SPTBN2: variants seen among roughly 807,000 people sequenced by gnomAD.
SPTBN2 encodes the protein spectrin beta, non-erythrocytic 2, also known as spectrin beta chain, non-erythrocytic 2.
A neutral mutation model predicts 284.2 loss-of-function variants in SPTBN2; 107 were observed. The ratio of observed to expected loss-of-function variants is 0.38; its 90% confidence interval spans 0.32 to 0.44. The LOEUF (loss-of-function observed/expected upper bound fraction) is 0.44, where lower values mean the gene tolerates loss of function less well. Among genes scored for constraint, SPTBN2 ranks in the 20% least tolerant of loss-of-function variants. The pLI is 1.00. For missense variants in SPTBN2, 2,569 were observed against 3,287.1 expected (o/e 0.78, Z 5.34); for synonymous variants, 1,289 against 1,354.8 (o/e 0.95, Z 1.07).
At chr11:66,706,216 G>A (rs1941549797) in intron 13 of SPTBN2, among the ~76,000 whole-genome samples, 1 of 152,118 alleles carries the variant, frequency 6.6e-6, no homozygotes, top group African/African-American at 2.4e-5. Context: ...ACCTCTAACG[G>A]TCTCGCTGTC....
chr11:66,717,419 C>T (rs1053480101), intron 3 of SPTBN2, among the ~76,000 whole-genome samples: 6 of 152,048 alleles, frequency 3.9e-5, no homozygotes, highest in African/African-American at 1.2e-4. Context: ...TCTCAGAAAC[C>T]GGAAAGACTC....
In SPTBN2 at chr11:66,721,381, G is replaced by T. The variant is rs1247236571; in HGVS notation, c.-54C>A. ...TCCGCTCTCCTTGTGGCCAGAGGCT[G>T]CGGTTGGCTGCTCAGTGGAAATCAG... On this transcript the variant is annotated 5_prime_UTR_variant, in exon 2 of 38. Transcript: ENST00000533211. 8 of 1,184,592 alleles carry T rather than the reference G, an allele frequency of 6.8e-6. No individual in the cohort carries two copies. The highest frequency in any genetic ancestry group is 9.9e-6 in the Non-Finnish European group (8 of 809,120). The allele number at this position is 1,184,592 out of a possible 1,614,324, so 73.4% of individuals were successfully genotyped here.
rs1163655295 is a variant in SPTBN2 at position 66,684,158 on chromosome 11, G to A, written c.*1713C>T. On this transcript the variant is annotated 3_prime_UTR_variant, in exon 38 of 38. Coordinates refer to ENST00000533211, the MANE Select transcript of SPTBN2 (RefSeq NM_006946.4). ...TGACTAAAGATGGGGCTGCCTTCCT[G>A]GAAAAACGGTTGTCTGTGTGTATAG... 1.3e-5 allele frequency among the ~76,000 whole-genome samples: 2 copies of A among 152,156 alleles called. No homozygotes were observed. The highest frequency in any genetic ancestry group is 2.4e-5 in the African/African-American group (1 of 41,426).
Position 66,707,810 on chromosome 11 carries a change from A to T in SPTBN2, c.1359T>A (p.Phe453Leu). Residue 453 changes from phenylalanine (F) to leucine (L), a missense_variant, in exon 13 of 38, where the codon TTT (phenylalanine) becomes TTA (leucine). Transcript: ENST00000533211. The surrounding 1 kb of genome is among the most constrained non-coding windows in gnomAD (Gnocchi z 4.9). ...CCTCGACAGCTGCCAGCTCCAGCCC[A>T]AAGTTGTCCTGTGTCGGGGGCAGGG... is the stretch of plus-strand genomic sequence containing the variant. ...ENQRLVSQDN[F>L]GLELAAVEAA... 1.2e-6 allele frequency: 2 copies of T among 1,609,134 alleles called. No individual in the cohort carries two copies. Among genetic ancestry groups the T allele is most frequent in the Non-Finnish European group, 1.7e-6 (2 of 1,179,932 alleles).
chr11:66,699,037 A>C lies in SPTBN2; in HGVS notation c.3822T>G (p.Leu1274=). 1 of 1,614,170 alleles carries C rather than the reference A, an allele frequency of 6.2e-7. No homozygotes were observed. Among genetic ancestry groups the C allele is most frequent in the Non-Finnish European group, 8.5e-7 (1 of 1,180,034 alleles). The change falls in exon 19 of 38, where the codon CTT becomes CTG. Residue 1274 remains leucine (L), a synonymous_variant. Coordinates refer to ENST00000533211, the MANE Select transcript of SPTBN2 (RefSeq NM_006946.4). ...QDAAQQFLGR[L]RDNREQQHFL... ...AATGCTGCTGCTCCCGGTTGTCCCG[A>C]AGACGGCCCAGAAATTGCTGCGCTG...
Position 66,688,026 on chromosome 11 carries a change from C to T in SPTBN2, c.6428G>A (p.Cys2143Tyr). ...STQAPSVNGV[C>Y]TDGEPSQPLL... ...CACCTGTGAGGGCTCTCCATCTGTG[C>T]AGACTCCATTAACACTGGGTGCTTG... The change falls in exon 33 of 38, where the codon TGC becomes TAC. Residue 2143 changes from cysteine to tyrosine, a missense_variant. By Grantham distance (194) the Cys-to-Tyr change is radical (BLOSUM62 -2). Transcript: ENST00000533211. 1.2e-6 allele frequency: 2 copies of T among 1,614,200 alleles called. No individual in the cohort carries two copies. The highest frequency in any genetic ancestry group is 1.7e-6 in the Non-Finnish European group (2 of 1,180,040).
Position 66,685,542 on chromosome 11 carries a change from C to G in SPTBN2, c.*329G>C, listed in dbSNP as rs980802591. On this transcript the variant is annotated 3_prime_UTR_variant, in exon 38 of 38. Coordinates refer to ENST00000533211, the MANE Select transcript of SPTBN2 (RefSeq NM_006946.4). The surrounding 1 kb of genome is among the most constrained non-coding windows in gnomAD (Gnocchi z 4.4). Reference sequence around the variant, plus strand: ...AGAATGACCCTGAGGCAGGGGCAGCCACTCCCCACATGGCCTATGTTGAGG... The same window carrying G: ...AGAATGACCCTGAGGCAGGGGCAGCGACTCCCCACATGGCCTATGTTGAGG... 2.2e-5 allele frequency: 8 copies of G among 359,228 alleles called. No individual in the cohort carries two copies. The highest frequency in any genetic ancestry group is 1.7e-4 in the African/African-American group (8 of 47,604). 22.3% of individuals were successfully genotyped at this position (359,228 alleles called of 1,614,324 possible).
intron 8 of SPTBN2, chr11:66,712,749 G>C (rs973952906): frequency 4.6e-5 from 7 of 152,158 alleles, no homozygotes; most frequent in Admixed American, 4.6e-4. Context: ...GCCCAAGCTG[G>C]AGTACTGTGG....
In SPTBN2 at chr11:66,687,039, C is replaced by A; in HGVS notation, c.6851G>T (p.Ser2284Ile). Reference sequence around the variant, plus strand: ...GCGCTTTCGGTAATCAAAGGCGACGCTGCCCTGGGCCCTGGCCAGGCTGAC... The same window carrying A: ...GCGCTTTCGGTAATCAAAGGCGACGATGCCCTGGGCCCTGGCCAGGCTGAC... Reference protein sequence around the residue: ...VPVSLARAQGSVAFDYRKRKH... With the variant: ...VPVSLARAQGIVAFDYRKRKH... The change falls in exon 36 of 38, where the codon AGC becomes ATC. Residue 2284 changes from serine (S) to isoleucine (I), a missense_variant. Coordinates refer to ENST00000533211, the MANE Select transcript of SPTBN2 (RefSeq NM_006946.4). The surrounding 1 kb of genome is among the most constrained non-coding windows in gnomAD (Gnocchi z 5.2). The A allele has an allele frequency of 6.2e-7, 1 of 1,614,148 alleles. No homozygotes were observed.
chr11:66,685,810 C>G lies in SPTBN2; in HGVS notation c.*61G>C. On this transcript the variant is annotated 3_prime_UTR_variant, in exon 38 of 38. Coordinates refer to ENST00000533211, the MANE Select transcript of SPTBN2 (RefSeq NM_006946.4). The surrounding 1 kb of genome is among the most constrained non-coding windows in gnomAD (Gnocchi z 4.4). The stretch of plus-strand genomic sequence containing the variant: ...GTCCTGACAAGAGGGCGGTCCCTGT[C>G]GACTGTCCCTGGCAGTTTCCTGAAC... 2.0e-6 allele frequency: 3 copies of G among 1,536,532 alleles called. No homozygotes were observed. In the South Asian group the frequency reaches 3.4e-5, roughly 17 times the overall value.
rs1027470381 is a variant in SPTBN2 at position 66,705,394 on chromosome 11, C to T, written c.1882G>A (p.Glu628Lys). ...KLEQSYEALC[E>K]LAAARRARLE... ...CGGGCCCGCCGCGCCGCTGCCAACT[C>T]GCACAGTGCCTCATAGCTCTGCTCT... is the stretch of plus-strand genomic sequence containing the variant. The change falls in exon 15 of 38, where the codon GAG becomes AAG. Residue 628 changes from glutamate to lysine, a missense_variant. Around this residue, in one of 6 missense-constraint regions of SPTBN2, gnomAD observed 1,012 missense variants for 1,248.9 expected, o/e 0.81. Transcript: ENST00000533211. 46 of 1,612,882 alleles carry T rather than the reference C, an allele frequency of 2.9e-5. No individual in the cohort carries two copies. In the East Asian group the frequency reaches 3.1e-4, roughly 11 times the overall value.
intron 1 of SPTBN2, among the ~76,000 whole-genome samples, chr11:66,723,405 G>A (rs570265687): frequency 6.6e-6 from 1 of 152,236 alleles, no homozygotes; most frequent in South Asian, 2.1e-4. Context: ...GAATAGAGAA[G>A]TGCTGGGTGG....
At chr11:66,692,067 G>A (rs1383952972) in intron 26 of SPTBN2, among the ~76,000 whole-genome samples, 2 of 152,052 alleles carry the variant, frequency 1.3e-5, no homozygotes, top group Non-Finnish European at 2.9e-5. Context: ...TCCCCTTTCT[G>A]TACAATTCTT....
chr11:66,701,418 C>T, intron 16 of SPTBN2, 136 bp from the exon 17 acceptor site: 1 of 1,481,952 alleles, frequency 6.7e-7, no homozygotes, highest in East Asian at 2.4e-5. Flanking sequence ...CCACCTTGAC[C>T]CCCTCTCTCA....
chr11:66,686,878 G>T (rs2135294649), intron 36 of SPTBN2, 116 bp downstream of exon 36: 1 of 1,409,232 alleles, frequency 7.1e-7, no homozygotes, highest in Non-Finnish European at 9.9e-7. Flanking sequence ...TGGCTGGCCT[G>T]GTTACTCCAC....
In SPTBN2 at chr11:66,684,603, C is replaced by T. The variant is rs183190298; in HGVS notation, c.*1268G>A. 3.3e-3 allele frequency among the ~76,000 whole-genome samples: 491 copies of T among 150,566 alleles called. 1 individual carries two copies. The highest frequency in any genetic ancestry group is 5.9e-3 in the Non-Finnish European group (398 of 67,796). The stretch of plus-strand genomic sequence containing the variant: ...TGGGCTGTGATTGCGCCACTGCAGT[C>T]CAGCTTGGCTGACAGAGTGAGACTC... On this transcript the variant is annotated 3_prime_UTR_variant, in exon 38 of 38. Coordinates refer to ENST00000533211, the MANE Select transcript of SPTBN2 (RefSeq NM_006946.4).
chr11:66,716,730 T>C (rs1942168816), intron 3 of SPTBN2, among the ~76,000 whole-genome samples: 1 of 152,208 alleles, frequency 6.6e-6, no homozygotes, highest in Non-Finnish European at 1.5e-5. Context: ...AAACAACTAG[T>C]TGGTGCCTGG....
chr11:66,725,859 C>T (rs1942603316), intron 1 of SPTBN2, among the ~76,000 whole-genome samples: 1 of 152,156 alleles, frequency 6.6e-6, no homozygotes, highest in Admixed American at 6.5e-5. Context: ...AAATCCTATA[C>T]CCTGGGCTAC....
intron 18 of SPTBN2, 72 bp from the exon 19 acceptor site, chr11:66,699,154 G>C (rs1941104001): frequency 9.5e-6 from 15 of 1,571,068 alleles, no homozygotes; most frequent in Non-Finnish European, 1.2e-5. Context: ...CTAACCTAGG[G>C]GCCTCCATTT....
Sources: gnomAD v4.1 joint callset for allele counts (sites outside exome capture counted in the v4.1 genomes callset) on GRCh38, gnomAD v4.1.1 for gene constraint, gnomAD v4.1.1 regional missense constraint, Gnocchi (gnomAD v3.1) non-coding constraint, MANE v1.5 for transcripts, NCBI Gene and HGNC (gene_info 2026-07-23, HGNC 2026-07-21) for gene names.